Variants in SRSF11 observed in about 807,000 individuals in gnomAD.
The protein encoded by SRSF11 is serine/arginine-rich splicing factor 11.
Under a neutral mutation model 56.0 loss-of-function variants are expected in SRSF11, and 9 were observed. The observed-to-expected ratio is 0.16, with a 90% CI of 0.10 to 0.28. SRSF11 has a LOEUF of 0.28. Ranked by LOEUF, SRSF11 falls within the 10% of genes least tolerant of loss-of-function variation. The probability of loss-of-function intolerance (pLI) is 1.00; values close to 1 mark genes in which losing one functional copy is unlikely to be tolerated. For synonymous variants in SRSF11, 222 were observed against 215.3 expected (o/e 1.03, Z -0.27); for missense variants, 421 against 600.7 (o/e 0.70, Z 3.13).
At chr1:70,246,961 A>G (rs1676903683) in intron 9 of SRSF11, 54 bp downstream of exon 9, 1 of 1,452,908 alleles carries the variant, frequency 6.9e-7, no homozygotes, top group Non-Finnish European at 9.5e-7. Context: ...TGCTTCTAAC[A>G]GTATCAGTAC....
chr1:70,246,917 C>T lies in SRSF11; in HGVS notation c.1022+10C>T, dbSNP rs371875565. The T allele has an allele frequency of 3.2e-6, 5 of 1,586,412 alleles. No homozygotes were observed. Among genetic ancestry groups the T allele is most frequent in the African/African-American group, 1.4e-5 (1 of 73,378 alleles). On this transcript the variant is annotated intron_variant, in intron 9 of 11. Coordinates refer to ENST00000370949, the MANE Select transcript of SRSF11 (RefSeq NM_001350605.2). Reference sequence around the variant, plus strand: ...CTAGAAGTGCAAGCAGGTAAGGTGGCATTGTGAATTCTTGGCAATTATTTT... The same window carrying T: ...CTAGAAGTGCAAGCAGGTAAGGTGGTATTGTGAATTCTTGGCAATTATTTT...
chr1:70,230,774 A>G, intron 2 of SRSF11: 1 of 1,173,688 alleles, frequency 8.5e-7, no homozygotes, highest in Non-Finnish European at 1.1e-6. Context: ...AGTTTGCCAG[A>G]AATGTTGCAA....
At chr1:70,232,718 TC>T (rs992577032) in intron 3 of SRSF11, among the ~76,000 whole-genome samples, 3 of 152,204 alleles carry the variant, frequency 2.0e-5, no homozygotes, top group Non-Finnish European at 4.4e-5. Flanking sequence ...AGTTAAAATT[TC>T]ACAAGTGAGC....
chr1:70,237,987 GTCT>G (rs1674494617), intron 6 of SRSF11, among the ~76,000 whole-genome samples: 1 of 152,070 alleles, frequency 6.6e-6, no homozygotes, highest in Non-Finnish European at 1.5e-5. Flanking sequence ...AAAATTAGTT[GTCT>G]TCTTTGCAGA....
intron 1 of SRSF11, among the ~76,000 whole-genome samples, chr1:70,216,244 T>C (rs1489279508): frequency 6.6e-6 from 1 of 152,216 alleles, no homozygotes; most frequent in Non-Finnish European, 1.5e-5. Context: ...TTATTTGACA[T>C]GCTTTCCTGC....
intron 1 of SRSF11, among the ~76,000 whole-genome samples, chr1:70,211,514 C>T (rs369173938): frequency 6.6e-6 from 1 of 152,070 alleles, no homozygotes; most frequent in Admixed American, 6.6e-5. Flanking sequence ...GGAGAAAAAT[C>T]TGAATAATTT....
intron 2 of SRSF11, chr1:70,230,231 C>T: frequency 1.0e-6 from 1 of 990,094 alleles, no homozygotes; most frequent in African/African-American, 1.7e-5. Flanking sequence ...TAGGAATATA[C>T]AGTATATAGA....
At chr1:70,231,705 A>G (rs958972039) in intron 2 of SRSF11, 4 of 1,200,094 alleles carry the variant, frequency 3.3e-6, no homozygotes, top group African/African-American at 3.2e-5. Context: ...CTTGATTCCA[A>G]CAGAATATTT....
chr1:70,222,969 T>G (rs1338246292), intron 1 of SRSF11, among the ~76,000 whole-genome samples: 2 of 152,204 alleles, frequency 1.3e-5, no homozygotes, highest in Non-Finnish European at 2.9e-5. Context: ...AATGTACATG[T>G]GGAGAGAGGA....
chr1:70,244,700 T>C lies in SRSF11; in HGVS notation c.817T>C (p.Ser273Pro). 6.2e-7 allele frequency: 1 copy of C among 1,614,134 alleles called. No individual in the cohort carries two copies. ...CACTATTAGGCGGTCAAGAAGCAGATCGAGACGGCGGTCACATTCTAAGTC... is the reference window on the plus strand; with the variant it reads ...CACTATTAGGCGGTCAAGAAGCAGACCGAGACGGCGGTCACATTCTAAGTC... ...SSRHRRSRSR[S>P]RRRSHSKSRS... is the part of the protein sequence containing the mutation. Residue 273 changes from serine (S) to proline (P), a missense_variant, in exon 8 of 12, where the codon TCG becomes CCG. By Grantham distance (74) the Ser-to-Pro change is moderately conservative. Transcript: ENST00000370949.
intron 8 of SRSF11, 182 bp from the exon 9 acceptor site, chr1:70,246,636 A>G (rs909987966): frequency 1.8e-5 from 8 of 440,772 alleles, no homozygotes; most frequent in African/African-American, 1.6e-4. Flanking sequence ...GGATTTTAAA[A>G]GAAGTTATTG....
chr1:70,227,035 T>C (rs555386563), intron 1 of SRSF11, among the ~76,000 whole-genome samples: 18 of 152,334 alleles, frequency 1.2e-4, no homozygotes, highest in African/African-American at 4.1e-4. Context: ...AGGGTCTGTG[T>C]TTAGCCTGAG....
chr1:70,228,402 GTTA>G lies in SRSF11; in HGVS notation c.204-17_204-15del, dbSNP rs762470611. 3 of 1,578,558 alleles carry G rather than the reference GTTA, an allele frequency of 1.9e-6. No homozygotes were observed. The highest frequency in any genetic ancestry group is 1.7e-6 in the Non-Finnish European group (2 of 1,151,642). Reference sequence around the variant, plus strand: ...AACTGCTATTCTGTTTCTCTTTTATGTTATTTGTTTATTTTTTAGTGATTCGCC... The same window carrying G: ...AACTGCTATTCTGTTTCTCTTTTATGTTTGTTTATTTTTTAGTGATTCGCC... On this transcript the variant is annotated splice_polypyrimidine_tract_variant and intron_variant, in intron 1 of 11. Coordinates refer to ENST00000370949, the MANE Select transcript of SRSF11 (RefSeq NM_001350605.2).
At chr1:70,241,894 G>A (rs1397155213) in intron 7 of SRSF11, among the ~76,000 whole-genome samples, 2 of 152,086 alleles carry the variant, frequency 1.3e-5, no homozygotes, top group Non-Finnish European at 2.9e-5. Flanking sequence ...CCTGGGCCGG[G>A]TGGGGTGGCT....
chr1:70,243,336 CAAAAAAAAAAAAAAAAAAA>C (rs56098296), intron 7 of SRSF11, among the ~76,000 whole-genome samples: 593 of 32,614 alleles, frequency 0.018, 14 homozygotes, highest in Middle Eastern at 0.062. Flanking sequence ...TGGTTGGTGG[CAAAAAAAAAAAAAAAAAAA>C]AAAAAAAAAA....
chr1:70,231,811 C>CTTGTGT, intron 2 of SRSF11: 1 of 1,385,586 alleles, frequency 7.2e-7, no homozygotes, highest in Non-Finnish European at 9.5e-7. Flanking sequence ...ACCCCTAAAT[C>CTTGTGT]AAACTTTTTT....
At chr1:70,235,460 G>A in intron 4 of SRSF11, 41 bp from the exon 5 acceptor site, 1 of 1,516,158 alleles carries the variant, frequency 6.6e-7, no homozygotes, top group Non-Finnish European at 9.1e-7. Flanking sequence ...GTCATTTATT[G>A]TTTTATGTAT....
chr1:70,228,048 A>T (rs3767208), intron 1 of SRSF11, among the ~76,000 whole-genome samples: 13,850 of 152,168 alleles, frequency 0.091, 802 homozygotes, highest in East Asian at 0.3. Flanking sequence ...TCTTACTCTG[A>T]GAAAGCCATT....
chr1:70,232,639 C>T (rs553306766), intron 3 of SRSF11, among the ~76,000 whole-genome samples: 2 of 152,156 alleles, frequency 1.3e-5, no homozygotes, highest in Non-Finnish European at 2.9e-5. Context: ...GAACAGTCTC[C>T]TGAGGCATGA....
Sources: gnomAD v4.1 joint callset for allele counts (sites outside exome capture counted in the v4.1 genomes callset) on GRCh38, gnomAD v4.1.1 for gene constraint, MANE v1.5 for transcripts, NCBI Gene and HGNC (gene_info 2026-07-23, HGNC 2026-07-21) for gene names.